The following EPB41L3 variants were observed in gnomAD, a reference collection of about 807,000 sequenced individuals.
The protein encoded by EPB41L3 is band 4.1-like protein 3.
A neutral mutation model predicts 127.1 loss-of-function variants in EPB41L3; 57 were observed. The ratio of observed to expected loss-of-function variants is 0.45; its 90% CI spans 0.36 to 0.56. The LOEUF (loss-of-function observed/expected upper bound fraction) is 0.56. EPB41L3 is among the 20% of genes least tolerant of loss of function. The pLI is 0.00. For synonymous variants in EPB41L3, 572 were observed against 549.5 expected, an observed-to-expected ratio of 1.04 and a Z score of -0.57; for missense variants, 1,273 against 1,372.2, an observed-to-expected ratio of 0.93 and a Z score of 1.14.
At chr18:5,427,324 C>A (rs1239904760) in intron 9 of EPB41L3, among the ~76,000 whole-genome samples, 26 of 152,032 alleles carry the variant, frequency 1.7e-4, no homozygotes, top group Non-Finnish European at 4.4e-5. Context: ...TTATACTAAC[C>A]ATACCAATTA....
intron 1 of EPB41L3, among the ~76,000 whole-genome samples, chr18:5,516,346 G>A (rs772571989): frequency 5.3e-5 from 8 of 152,266 alleles, no homozygotes; most frequent in Non-Finnish European, 8.8e-5. Context: ...TTCTCCTTAC[G>A]TGCTATTTCC....
At chr18:5,407,224 C>T (rs1486186965) in intron 15 of EPB41L3, 5 of 510,660 alleles carry the variant, frequency 9.8e-6, no homozygotes, top group Non-Finnish European at 1.4e-5. Context: ...ATAAAGAGTA[C>T]AATTCACATG....
At chr18:5,474,409 C>G (rs1035148357) in intron 3 of EPB41L3, among the ~76,000 whole-genome samples, 1 of 152,056 alleles carries the variant, frequency 6.6e-6, no homozygotes, top group Admixed American at 6.6e-5. Flanking sequence ...GATAACTACT[C>G]CTTCTATCTT....
chr18:5,609,868 C>CA (rs1160589939), intron 3 of EPB41L3, among the ~76,000 whole-genome samples: 90 of 143,210 alleles, frequency 6.3e-4, no homozygotes, highest in African/African-American at 1.6e-3. Flanking sequence ...GGTATAAACC[C>CA]AAAAAAAAAA....
At chr18:5,462,616 C>T (rs754757644) in intron 3 of EPB41L3, among the ~76,000 whole-genome samples, 3 of 152,248 alleles carry the variant, frequency 2.0e-5, no homozygotes, top group African/African-American at 7.2e-5. Context: ...AAAACAGGTT[C>T]GGTGTGGGGA....
intron 3 of EPB41L3, among the ~76,000 whole-genome samples, chr18:5,606,638 T>C (rs1568637939): frequency 1.3e-5 from 2 of 152,200 alleles, no homozygotes; most frequent in African/African-American, 2.4e-5. Flanking sequence ...CATAGCATCA[T>C]TAATACAATA....
chr18:5,505,732 A>ATCCACACCTTCACCTCCACCCCTACCC (rs2092122050), intron 1 of EPB41L3, among the ~76,000 whole-genome samples: 1 of 15,458 alleles, frequency 6.5e-5, no homozygotes, highest in Non-Finnish European at 1.3e-4. Flanking sequence ...CACCCCTACC[A>ATCCACACCTTCACCTCCACCCCTACCC]TCCACACCTT....
chr18:5,618,201 C>T (rs933899957), intron 1 of EPB41L3, among the ~76,000 whole-genome samples: 6 of 152,178 alleles, frequency 3.9e-5, no homozygotes, highest in African/African-American at 1.4e-4. Flanking sequence ...TAGGTCTCTG[C>T]CTTTTATCAC....
Position 5,398,163 on chromosome 18 carries a change from C to G in EPB41L3, c.2350-20G>C, listed in dbSNP as rs769729998. On this transcript the variant is annotated intron_variant, in intron 16 of 22. Coordinates refer to ENST00000341928, the MANE Select transcript of EPB41L3 (RefSeq NM_012307.5). ...CTTAGTCTGAGTGAACAAAGAGAGG[C>G]AGAGTCAAGCACAAAAGAGAGACAC... 3.1e-6 allele frequency: 5 copies of G among 1,613,270 alleles called. No homozygotes were observed.
intron 3 of EPB41L3, among the ~76,000 whole-genome samples, chr18:5,554,929 C>T (rs1276606076): frequency 6.6e-6 from 1 of 152,230 alleles, no homozygotes; most frequent in Non-Finnish European, 1.5e-5. Context: ...TAGCCACCAT[C>T]AAGCAGTGAA....
chr18:5,505,264 C>A (rs1292168058), intron 1 of EPB41L3, among the ~76,000 whole-genome samples: 2 of 152,142 alleles, frequency 1.3e-5, no homozygotes, highest in Non-Finnish European at 2.9e-5. Context: ...TCAATCAATC[C>A]ATCCTCCCAG....
chr18:5,523,748 G>A (rs1250395129), intron 1 of EPB41L3, among the ~76,000 whole-genome samples: 1 of 152,034 alleles, frequency 6.6e-6, no homozygotes, highest in Non-Finnish European at 1.5e-5. Context: ...TTGCACCACT[G>A]CACTCCAGCC....
chr18:5,424,508 A>C, intron 9 of EPB41L3, 149 bp from the exon 10 acceptor site: 1 of 555,474 alleles, frequency 1.8e-6, no homozygotes, highest in Non-Finnish European at 3.1e-6. Flanking sequence ...TGCTATACAG[A>C]TTCATTTGTT....
chr18:5,496,067 G>A (rs2091144371), intron 1 of EPB41L3, among the ~76,000 whole-genome samples: 1 of 152,114 alleles, frequency 6.6e-6, no homozygotes, highest in Admixed American at 6.5e-5. Context: ...TTAGTTCACT[G>A]AAGCAATACT....
rs368845110 is a variant in EPB41L3, at chr18:5,617,509, G to A, written c.-467-3086C>T. On this transcript the variant is annotated intron_variant, in intron 1 of 21. Coordinates refer to the EPB41L3 transcript ENST00000545076. ...AATTTTTTGTATTTTTAGTAGAGACGGGGTTTCACCGTTTTAGCCGGGATG... is the reference window on the plus strand; with the variant it reads ...AATTTTTTGTATTTTTAGTAGAGACAGGGTTTCACCGTTTTAGCCGGGATG... Among the ~76,000 whole-genome samples, 10 of 151,946 alleles carry A rather than the reference G, an allele frequency of 6.6e-5. No individual in the cohort carries two copies. The East Asian group carries it at 1.4e-3, about 21-fold the overall frequency.
At chr18:5,544,307 C>CATCA, upstream of EPB41L3, 1 of 985,438 alleles carries the variant, frequency 1.0e-6, no homozygotes, top group Non-Finnish European at 1.2e-6. Flanking sequence ...ATGGCCTGGC[C>CATCA]TCTCCAGACC....
chr18:5,618,292 C>T (rs2094821214), intron 1 of EPB41L3, among the ~76,000 whole-genome samples: 2 of 152,186 alleles, frequency 1.3e-5, no homozygotes, highest in South Asian at 4.1e-4. Flanking sequence ...ACAAAATCTA[C>T]AACATTCATA....
At chr18:5,544,341 T>A (rs975800479), upstream of EPB41L3, 2 of 984,980 alleles carry the variant, frequency 2.0e-6, no homozygotes, top group African/African-American at 3.5e-5. Context: ...AGACATCCCC[T>A]GTGAGAAAGG....
At chr18:5,593,353 C>A (rs866625013) in intron 3 of EPB41L3, among the ~76,000 whole-genome samples, 4 of 152,106 alleles carry the variant, frequency 2.6e-5, no homozygotes. Context: ...GCTGGGCGTC[C>A]GAGGGAGACA....
Sources: allele counts gnomAD v4.1 joint callset (sites outside exome capture counted in the v4.1 genomes callset), GRCh38; gene constraint gnomAD v4.1.1; transcripts MANE v1.5; gene names NCBI Gene and HGNC (gene_info 2026-07-23, HGNC 2026-07-21).